GSK3B: variants seen among roughly 807,000 people sequenced by gnomAD.
GSK3B encodes the protein glycogen synthase kinase 3 beta, also known as glycogen synthase kinase-3 beta.
In GSK3B, 15 loss-of-function variants were observed where a neutral mutation model predicts 56.4. The observed-to-expected ratio is 0.27, with a 90% CI of 0.18 to 0.41. The LOEUF (loss-of-function observed/expected upper bound fraction) is 0.41. Ranked by LOEUF, GSK3B falls within the 10% of genes least tolerant of loss-of-function variation. The probability of loss-of-function intolerance (pLI) is 1.00; values close to 1 mark genes in which losing one functional copy is unlikely to be tolerated. For synonymous variants in GSK3B, 181 were observed against 188.9 expected, an observed-to-expected ratio of 0.96 and a Z score of 0.34; for missense variants, 300 against 513.4, an observed-to-expected ratio of 0.58 and a Z score of 4.02.
At chr3:119,971,759 C>T (rs927598989) in intron 2 of GSK3B, among the ~76,000 whole-genome samples, 1 of 149,404 alleles carries the variant, frequency 6.7e-6, no homozygotes, top group Non-Finnish European at 1.5e-5. Flanking sequence ...CTACAGGCGC[C>T]CGCCACTACG....
chr3:120,042,073 T>A (rs1486572354), intron 1 of GSK3B, among the ~76,000 whole-genome samples: 1 of 152,128 alleles, frequency 6.6e-6, no homozygotes, highest in Non-Finnish European at 1.5e-5. Flanking sequence ...TGAATAACCT[T>A]CAGTTGCCAG....
intron 1 of GSK3B, among the ~76,000 whole-genome samples, chr3:120,071,217 A>C (rs1056162379): frequency 3.3e-5 from 5 of 152,230 alleles, no homozygotes; most frequent in African/African-American, 1.2e-4. Context: ...TAAAAAAACA[A>C]CAACTTTACT....
At chr3:119,923,823 TC>T (rs1281024168) in intron 3 of GSK3B, among the ~76,000 whole-genome samples, 1 of 152,212 alleles carries the variant, frequency 6.6e-6, no homozygotes, top group African/African-American at 2.4e-5. Context: ...TGTCCTCATA[TC>T]CTATTAAGAT....
At chr3:119,859,447 ATAAT>A (rs1268419671) in intron 9 of GSK3B, among the ~76,000 whole-genome samples, 3 of 152,186 alleles carry the variant, frequency 2.0e-5, no homozygotes, top group Non-Finnish European at 4.4e-5. Context: ...GCTAGTTATC[ATAAT>A]TAATTACAAT....
Position 120,038,943 on chromosome 3 carries a change from C to T in GSK3B, c.89-36704G>A, listed in dbSNP as rs141721978. Among the ~76,000 whole-genome samples the T allele has an allele frequency of 1.8e-4, 27 of 151,540 alleles. 1 individual carries two copies. In the East Asian group the frequency reaches 5.1e-3, roughly 28 times the overall value. On this transcript the variant is annotated intron_variant, in intron 1 of 10. Transcript: ENST00000264235. ...ACTGGGAGAAAATATTTGCAATACA[C>T]ATATCTGATAAAGGGCTAGTATCCA...
intron 2 of GSK3B, among the ~76,000 whole-genome samples, chr3:119,982,780 T>A (rs573165034): frequency 6.6e-6 from 1 of 152,274 alleles, no homozygotes; most frequent in South Asian, 2.1e-4. Context: ...TGGAAAACAC[T>A]CTGCAGGATA....
intron 9 of GSK3B, among the ~76,000 whole-genome samples, chr3:119,857,767 C>G (rs1162363149): frequency 1.3e-5 from 2 of 152,178 alleles, no homozygotes; most frequent in Non-Finnish European, 2.9e-5. Context: ...TTTCCCAGAT[C>G]CATCAAAGGA....
chr3:119,994,503 A>C (rs2057596619), intron 2 of GSK3B, among the ~76,000 whole-genome samples: 1 of 152,200 alleles, frequency 6.6e-6, no homozygotes, highest in Admixed American at 6.5e-5. Flanking sequence ...ATTCCTTATA[A>C]TTATGAAGAG....
At chr3:119,843,382 A>G in intron 9 of GSK3B, 29 bp from the exon 10 acceptor site, 1 of 1,238,520 alleles carries the variant, frequency 8.1e-7, no homozygotes, top group Non-Finnish European at 1.2e-6. Flanking sequence ...CAAATGTTAG[A>G]GTCCACTCTT....
chr3:120,056,767 T>A (rs1271415830), intron 1 of GSK3B, among the ~76,000 whole-genome samples: 2 of 152,110 alleles, frequency 1.3e-5, no homozygotes, highest in Non-Finnish European at 2.9e-5. Context: ...GAGTGACAGA[T>A]ACCCCCAAAA....
intron 2 of GSK3B, among the ~76,000 whole-genome samples, chr3:119,960,151 CAAAAAAAAAA>C (rs574956694): frequency 1.3e-5 from 1 of 74,648 alleles, no homozygotes; most frequent in African/African-American, 5.0e-5. Context: ...TATGCTGAGA[CAAAAAAAAAA>C]AAAAAAAAAA....
intron 5 of GSK3B, among the ~76,000 whole-genome samples, chr3:119,914,720 T>C (rs2056764940): frequency 6.6e-6 from 1 of 152,208 alleles, no homozygotes; most frequent in East Asian, 1.9e-4. Context: ...AGAGGACACA[T>C]TGTGAGACTA....
At chr3:119,860,044 G>A (rs1457640080) in intron 9 of GSK3B, among the ~76,000 whole-genome samples, 1 of 152,158 alleles carries the variant, frequency 6.6e-6, no homozygotes, top group Admixed American at 6.6e-5. Flanking sequence ...ACTCTCAGGA[G>A]GACAATGTTT....
Position 120,094,415 on chromosome 3 carries a change from C to G in GSK3B, c.-981G>C. 1 of 319,044 alleles carries G rather than the reference C, an allele frequency of 3.1e-6. No individual in the cohort carries two copies. The highest frequency in any genetic ancestry group is 4.0e-5 in the South Asian group (1 of 24,768). The allele number at this position is 319,044 out of a possible 1,614,324, so 19.8% of individuals were successfully genotyped here. On this transcript the variant is annotated 5_prime_UTR_variant, in exon 1 of 11. Transcript: ENST00000264235. ...CGGCGGCGGCGGCGGCGGCACAAGC[C>G]CGCATTCGCCCGGGTCAGGAGCTGC...
At chr3:120,028,794 C>T in intron 1 of GSK3B, 1 of 452,072 alleles carries the variant, frequency 2.2e-6, no homozygotes, top group Non-Finnish European at 4.3e-6. Context: ...GGCGTGGTCT[C>T]CGCCAGTGGG....
At chr3:119,932,590 C>A (rs1216529811) in intron 3 of GSK3B, among the ~76,000 whole-genome samples, 2 of 148,792 alleles carry the variant, frequency 1.3e-5, no homozygotes, top group African/African-American at 2.5e-5. Flanking sequence ...AAGAGCTAAG[C>A]CATGGAGAAA....
At chr3:120,028,828 C>A in intron 1 of GSK3B, 1 of 443,638 alleles carries the variant, frequency 2.3e-6, no homozygotes, top group Non-Finnish European at 4.3e-6. Context: ...AAGGAACTCA[C>A]TGAGGCCCTA....
intron 2 of GSK3B, among the ~76,000 whole-genome samples, chr3:119,979,274 C>A (rs924422291): frequency 6.6e-6 from 1 of 152,174 alleles, no homozygotes; most frequent in Non-Finnish European, 1.5e-5. Flanking sequence ...CCCAACCCTA[C>A]CTGTGTCAAG....
At chr3:119,973,029 A>T (rs1393536760) in intron 2 of GSK3B, among the ~76,000 whole-genome samples, 2 of 152,184 alleles carry the variant, frequency 1.3e-5, no homozygotes, top group African/African-American at 4.8e-5. Flanking sequence ...ACTTTCCAAT[A>T]TTGAGGAACT....
Sources: allele counts gnomAD v4.1 joint callset (sites outside exome capture counted in the v4.1 genomes callset), GRCh38; gene constraint gnomAD v4.1.1; transcripts MANE v1.5; gene names NCBI Gene and HGNC (gene_info 2026-07-23, HGNC 2026-07-21).